Variants in LRRC20 observed in about 807,000 individuals in gnomAD.
LRRC20 encodes the protein leucine-rich repeat-containing protein 20.
Under a neutral mutation model 14.4 loss-of-function variants are expected in LRRC20, and 11 were observed. The ratio of observed to expected loss-of-function variants is 0.77; its 90% confidence interval spans 0.48 to 1.27. LRRC20 has a LOEUF of 1.27. Ranked by LOEUF, LRRC20 falls within the 50% of genes most tolerant of loss-of-function variation. The probability of loss-of-function intolerance (pLI) is 0.00; values close to 1 mark genes in which losing one functional copy is unlikely to be tolerated. For synonymous variants in LRRC20, 121 were observed against 107.3 expected, an observed-to-expected ratio of 1.13 and a Z score of -0.79; for missense variants, 219 against 251.2, an observed-to-expected ratio of 0.87 and a Z score of 0.87.
At chr10:70,336,517 A>G (rs963421342) in intron 3 of LRRC20, among the ~76,000 whole-genome samples, 4 of 152,184 alleles carry the variant, frequency 2.6e-5, no homozygotes, top group Admixed American at 2.6e-4. Flanking sequence ...ATTAACAACT[A>G]ACAGCTTCCT....
chr10:70,337,533 G>A (rs928936606), intron 3 of LRRC20, among the ~76,000 whole-genome samples: 2 of 152,182 alleles, frequency 1.3e-5, no homozygotes, highest in Admixed American at 6.5e-5. Flanking sequence ...ATACATTTCC[G>A]CATCCCACAG....
rs537083002 is a variant in LRRC20, at chr10:70,365,340, G to A, written c.82+11112C>T. 3.3e-5 allele frequency among the ~76,000 whole-genome samples: 5 copies of A among 152,248 alleles called. No individual in the cohort carries two copies. In the South Asian group the frequency reaches 1.0e-3, roughly 32 times the overall value. Reference sequence around the variant, plus strand: ...CCCAAAGTTCTGGGATTACAGGCGCGAGCCACCGCGCCCGGCGAGATTCAA... The same window carrying A: ...CCCAAAGTTCTGGGATTACAGGCGCAAGCCACCGCGCCCGGCGAGATTCAA... On this transcript the variant is annotated intron_variant, in intron 2 of 4. Transcript: ENST00000446961.
At chr10:70,328,539 C>T (rs921617759) in intron 3 of LRRC20, among the ~76,000 whole-genome samples, 1 of 152,208 alleles carries the variant, frequency 6.6e-6, no homozygotes, top group African/African-American at 2.4e-5. Context: ...ACAGGTGATA[C>T]ACCCGCCTCG....
rs771613491 is a variant in LRRC20, at chr10:70,323,934, T to G, written c.329A>C (p.Gln110Pro). 11 of 1,614,046 alleles carry G rather than the reference T, an allele frequency of 6.8e-6. No individual in the cohort carries two copies. The African/African-American group carries it at 1.3e-4, about 20-fold the overall frequency. The change falls in exon 4 of 5, where the codon CAG becomes CCG. Residue 110 changes from glutamine to proline, a missense_variant. Physicochemically the swap from Gln to Pro is moderately conservative, Grantham distance 76 (BLOSUM62 -1). Transcript: ENST00000446961. ...KAIDLSRNQF[Q>P]DFPEQLTALP... ...GGCGGTAAGCTGCTCAGGGAAGTCC[T>G]GGAACTGGTTCCGGGACAGGTCAAT...
At chr10:70,326,084 C>A (rs1208063731) in intron 3 of LRRC20, among the ~76,000 whole-genome samples, 1 of 152,074 alleles carries the variant, frequency 6.6e-6, no homozygotes, top group Non-Finnish European at 1.5e-5. Flanking sequence ...AAGGGAAAAT[C>A]TTCCTATGTA....
chr10:70,345,394 C>A (rs1009780121), intron 2 of LRRC20, among the ~76,000 whole-genome samples: 1 of 151,626 alleles, frequency 6.6e-6, no homozygotes, highest in African/African-American at 2.4e-5. Flanking sequence ...ATTTATACAA[C>A]CTCTTAAGTG....
intron 2 of LRRC20, among the ~76,000 whole-genome samples, chr10:70,345,128 A>T (rs904451944): frequency 9.9e-5 from 15 of 152,202 alleles, no homozygotes; most frequent in African/African-American, 3.6e-4. Flanking sequence ...AAATAATTAA[A>T]ACAGAGGGCA....
chr10:70,327,112 G>A (rs1358861845), intron 3 of LRRC20, among the ~76,000 whole-genome samples: 3 of 152,226 alleles, frequency 2.0e-5, no homozygotes, highest in Non-Finnish European at 4.4e-5. Flanking sequence ...CTGCAGTCTT[G>A]GGGGTCATGG....
chr10:70,346,553 C>G (rs556400650), intron 2 of LRRC20, among the ~76,000 whole-genome samples: 1 of 152,116 alleles, frequency 6.6e-6, no homozygotes, highest in African/African-American at 2.4e-5. Context: ...ATTATCAACC[C>G]AGGTGTGTTG....
chr10:70,316,545 T>C (rs1248656696), intron 4 of LRRC20, among the ~76,000 whole-genome samples: 3 of 152,256 alleles, frequency 2.0e-5, no homozygotes, highest in Non-Finnish European at 4.4e-5. Flanking sequence ...CATCCAGGTT[T>C]CACCACACAG....
chr10:70,352,760 T>A (rs566530609), intron 2 of LRRC20, among the ~76,000 whole-genome samples: 1 of 152,256 alleles, frequency 6.6e-6, no homozygotes, highest in South Asian at 2.1e-4. Context: ...CCTTTAAAAA[T>A]TAAATATTTT....
At chr10:70,340,018 G>A (rs1436851723) in intron 3 of LRRC20, among the ~76,000 whole-genome samples, 1 of 152,032 alleles carries the variant, frequency 6.6e-6, no homozygotes, top group Non-Finnish European at 1.5e-5. Context: ...CTACTTGGGA[G>A]GCTGAGGCAG....
At chr10:70,334,116 C>T (rs962575402) in intron 3 of LRRC20, among the ~76,000 whole-genome samples, 7 of 151,270 alleles carry the variant, frequency 4.6e-5, no homozygotes, top group Non-Finnish European at 8.8e-5. Flanking sequence ...TGCCACTGCA[C>T]TCCACCCTGG....
chr10:70,376,806 G>A (rs1458957641), intron 1 of LRRC20: 2 of 481,098 alleles, frequency 4.2e-6, no homozygotes, highest in South Asian at 2.3e-5. Flanking sequence ...CTGGCAGCTG[G>A]GTTCTACTGG....
At chr10:70,329,166 T>G (rs1464709631) in intron 3 of LRRC20, among the ~76,000 whole-genome samples, 1 of 152,102 alleles carries the variant, frequency 6.6e-6, no homozygotes, top group African/African-American at 2.4e-5. Flanking sequence ...ATCGTGGCAA[T>G]GAGACAGACT....
chr10:70,318,379 T>C (rs1349347077), intron 4 of LRRC20, among the ~76,000 whole-genome samples: 3 of 152,164 alleles, frequency 2.0e-5, no homozygotes, highest in Admixed American at 1.3e-4. Flanking sequence ...TCGGCTGGGA[T>C]AGTAAGGTGA....
chr10:70,319,507 C>T (rs1192128471), intron 4 of LRRC20, among the ~76,000 whole-genome samples: 1 of 152,204 alleles, frequency 6.6e-6, no homozygotes, highest in Non-Finnish European at 1.5e-5. Context: ...CCCACAAGGA[C>T]ACGAGGACAG....
chr10:70,353,247 TCAAA>T (rs1480023897), intron 2 of LRRC20, among the ~76,000 whole-genome samples: 3 of 152,162 alleles, frequency 2.0e-5, no homozygotes, highest in African/African-American at 7.2e-5. Flanking sequence ...CATGGAGAAG[TCAAA>T]CAAATTGTTC....
intron 2 of LRRC20, among the ~76,000 whole-genome samples, chr10:70,374,785 G>A (rs560208847): frequency 6.6e-6 from 1 of 152,172 alleles, no homozygotes; most frequent in African/African-American, 2.4e-5. Context: ...CATTTGCAAG[G>A]GGAAGGGCTT....
Sources: allele counts gnomAD v4.1 joint callset (sites outside exome capture counted in the v4.1 genomes callset), GRCh38; gene constraint gnomAD v4.1.1; transcripts MANE v1.5; gene names NCBI Gene and HGNC (gene_info 2026-07-23, HGNC 2026-07-21).